The following ITPR2 variants were observed in gnomAD, a reference collection of about 807,000 sequenced individuals.
ITPR2 encodes the protein inositol 1,4,5-trisphosphate-gated calcium channel ITPR2.
A neutral mutation model predicts 317.1 loss-of-function variants in ITPR2; 207 were observed. The ratio of observed to expected loss-of-function variants is 0.65; its 90% CI spans 0.58 to 0.73. The LOEUF (loss-of-function observed/expected upper bound fraction) is 0.73. Ranked by LOEUF, ITPR2 falls within the 30% of genes least tolerant of loss-of-function variation. The pLI is 0.00. For missense variants in ITPR2, 2,613 were observed against 3,284.0 expected, an observed-to-expected ratio of 0.80 and a Z score of 4.99; for synonymous variants, 1,156 against 1,149.1, an observed-to-expected ratio of 1.01 and a Z score of -0.12.
chr12:26,591,753 T>A (rs7308271), intron 32 of ITPR2, among the ~76,000 whole-genome samples: 4 of 151,442 alleles, frequency 2.6e-5, no homozygotes, highest in African/African-American at 9.7e-5. Context: ...CAGGAGATGG[T>A]TGAACCCCGG....
chr12:26,344,346 G>T (rs75291425), intron 55 of ITPR2, among the ~76,000 whole-genome samples: 1 of 152,076 alleles, frequency 6.6e-6, no homozygotes, highest in Admixed American at 6.6e-5. Flanking sequence ...TGGGGCAGGG[G>T]GATTTGGGAG....
intron 35 of ITPR2, among the ~76,000 whole-genome samples, 199 bp from the exon 36 acceptor site, chr12:26,556,574 G>GTGTGTGTGTGTT (rs1944670076): frequency 6.9e-6 from 1 of 144,058 alleles, no homozygotes; most frequent in Non-Finnish European, 1.5e-5. Context: ...TTTTGTGTGT[G>GTGTGTGTGTGTT]TGTGTGTGTG....
chr12:26,492,457 A>G (rs58377258), intron 39 of ITPR2, among the ~76,000 whole-genome samples: 2,252 of 85,650 alleles, frequency 0.026, 60 homozygotes, highest in African/African-American at 0.066. Flanking sequence ...GATGCCCCCC[A>G]CCAAAAAAAA....
intron 43 of ITPR2, among the ~76,000 whole-genome samples, chr12:26,479,373 T>A (rs116836263): frequency 0.019 from 2,921 of 152,224 alleles, 73 homozygotes; most frequent in African/African-American, 0.054. Context: ...GGCTTTGATT[T>A]GTAAATAATC....
At chr12:26,665,757 T>C (rs1453338833) in intron 14 of ITPR2, among the ~76,000 whole-genome samples, 153 bp downstream of exon 14, 1 of 152,214 alleles carries the variant, frequency 6.6e-6, no homozygotes, top group African/African-American at 2.4e-5. Flanking sequence ...AGATCACTAC[T>C]CCACAGAAAC....
At position 26,831,300 on chromosome 12, in the gene ITPR2, C is replaced by T. The variant is rs907266159; in HGVS notation, c.92+1390G>A. Reference sequence around the variant, plus strand: ...AAAGGGATTGAATTAAATCTACCTCCCTTCTTTCACTCATTAGGGGGAATG... The same window carrying T: ...AAAGGGATTGAATTAAATCTACCTCTCTTCTTTCACTCATTAGGGGGAATG... On this transcript the variant is annotated intron_variant, in intron 1 of 56. Coordinates refer to ENST00000381340, the MANE Select transcript of ITPR2 (RefSeq NM_002223.4). This position sits in a 1 kb window ranked among gnomAD's most constrained non-coding sequence, Gnocchi z 4.9. Among the ~76,000 whole-genome samples, 1 of 152,158 alleles carries T rather than the reference C, an allele frequency of 6.6e-6. No individual in the cohort carries two copies. Among genetic ancestry groups the T allele is most frequent in the African/African-American group, 2.4e-5 (1 of 41,418 alleles).
chr12:26,521,170 G>A (rs1265483116), intron 37 of ITPR2, among the ~76,000 whole-genome samples: 2 of 152,134 alleles, frequency 1.3e-5, no homozygotes, highest in East Asian at 1.9e-4. Context: ...GGGAGGTGGT[G>A]CATTTTCAAT....
intron 45 of ITPR2, among the ~76,000 whole-genome samples, chr12:26,466,180 A>C (rs193178343): frequency 1.1e-4 from 16 of 152,322 alleles, no homozygotes; most frequent in Admixed American, 1.0e-3. Flanking sequence ...CCTGCTAACA[A>C]ATCAGAAGTG....
intron 54 of ITPR2, among the ~76,000 whole-genome samples, chr12:26,392,506 G>T (rs770292917): frequency 1.3e-5 from 2 of 152,086 alleles, no homozygotes; most frequent in Non-Finnish European, 2.9e-5. Flanking sequence ...ATGAAAATGT[G>T]CCTGTTTCCA....
intron 34 of ITPR2, among the ~76,000 whole-genome samples, chr12:26,572,997 A>C (rs979400534): frequency 8.1e-6 from 1 of 123,082 alleles, no homozygotes; most frequent in Non-Finnish European, 1.8e-5. Flanking sequence ...CTTGGATTTC[A>C]TTTATTTATT....
At chr12:26,754,125 T>A (rs1314942139) in intron 2 of ITPR2, among the ~76,000 whole-genome samples, 6 of 152,208 alleles carry the variant, frequency 3.9e-5, no homozygotes, top group Middle Eastern at 3.2e-3. Flanking sequence ...TTTTATTTAG[T>A]TCACGTGATT....
intron 52 of ITPR2, among the ~76,000 whole-genome samples, chr12:26,403,217 C>T (rs1366257142): frequency 6.6e-6 from 1 of 152,044 alleles, no homozygotes; most frequent in Admixed American, 6.6e-5. Flanking sequence ...TTGGGAAACT[C>T]AGGAAGATGG....
At chr12:26,668,471 C>G (rs1947675934) in intron 13 of ITPR2, among the ~76,000 whole-genome samples, 1 of 152,264 alleles carries the variant, frequency 6.6e-6, no homozygotes, top group African/African-American at 2.4e-5. Context: ...TCAGATCTGG[C>G]TCTGGCCTAG....
Position 26,749,215 on chromosome 12 carries a change from C to G in ITPR2, c.164-23450G>C, listed in dbSNP as rs548775609. 3.9e-5 allele frequency among the ~76,000 whole-genome samples: 6 copies of G among 152,294 alleles called. No individual in the cohort carries two copies. In the East Asian group the frequency reaches 1.2e-3, roughly 29 times the overall value. On this transcript the variant is annotated intron_variant, in intron 2 of 56. Coordinates refer to ENST00000381340, the MANE Select transcript of ITPR2 (RefSeq NM_002223.4). ...AACTCATGGTTATGATTAGTTAGGA[C>G]TGACTTTTAAATGTCCAAGCCAGGT...
chr12:26,352,368 C>A (rs545247115), intron 55 of ITPR2, among the ~76,000 whole-genome samples: 1 of 152,240 alleles, frequency 6.6e-6, no homozygotes, highest in Non-Finnish European at 1.5e-5. Flanking sequence ...CTTCCTCTAA[C>A]CAGGCTGTCC....
chr12:26,649,986 C>T (rs894445047), intron 21 of ITPR2, among the ~76,000 whole-genome samples: 2 of 152,088 alleles, frequency 1.3e-5, no homozygotes, highest in African/African-American at 2.4e-5. Flanking sequence ...TTGTTCATTA[C>T]TTATTACCAG....
chr12:26,516,595 TACAA>T (rs1424389245), intron 37 of ITPR2, among the ~76,000 whole-genome samples: 3 of 152,164 alleles, frequency 2.0e-5, no homozygotes, highest in African/African-American at 4.8e-5. Context: ...TCATGGATTA[TACAA>T]ACAAATTAAA....
At chr12:26,384,563 G>C (rs116333293) in intron 55 of ITPR2, among the ~76,000 whole-genome samples, 2,137 of 152,222 alleles carry the variant, frequency 0.014, 30 homozygotes, top group African/African-American at 0.035. Flanking sequence ...ATAAGTACTT[G>C]GATACTTAAA....
rs143707380 is a variant in ITPR2, at chr12:26,473,336, A to G, written c.6342+1960T>C. 2.2e-3 allele frequency among the ~76,000 whole-genome samples: 334 copies of G among 152,182 alleles called. 2 individuals are homozygous for G. The highest frequency in any genetic ancestry group is 7.6e-3 in the African/African-American group (317 of 41,516). The stretch of plus-strand genomic sequence containing the variant: ...TTTCTTAATGGATGTCAGGTGGTTC[A>G]TTCATTGTCTGCTGGCCAATCTGTC... On this transcript the variant is annotated intron_variant, in intron 45 of 56. Transcript: ENST00000381340.
Sources: gnomAD v4.1 joint callset for allele counts (sites outside exome capture counted in the v4.1 genomes callset) on GRCh38, gnomAD v4.1.1 for gene constraint, Gnocchi (gnomAD v3.1) non-coding constraint, MANE v1.5 for transcripts, NCBI Gene and HGNC (gene_info 2026-07-23, HGNC 2026-07-21) for gene names.